Variants in FAM135B observed in about 807,000 individuals in gnomAD.
FAM135B encodes protein FAM135B.
Under a neutral mutation model 127.7 loss-of-function variants are expected in FAM135B, and 43 were observed. That is an observed-to-expected ratio of 0.34 (90% confidence interval 0.26 to 0.43). The LOEUF is 0.43. Ranked by LOEUF, FAM135B falls within the 20% of genes least tolerant of loss-of-function variation. FAM135B has a pLI of 1.00. For synonymous variants in FAM135B, 670 were observed against 665.1 expected (o/e 1.01, Z -0.11); for missense variants, 1,558 against 1,725.6 (o/e 0.90, Z 1.72).
intron 2 of FAM135B, among the ~76,000 whole-genome samples, chr8:138,344,574 T>TTTA (rs1829277673): frequency 4.2e-5 from 1 of 23,758 alleles, no homozygotes; most frequent in Non-Finnish European, 1.8e-4. Flanking sequence ...ACTTTCTTTC[T>TTTA]TTCTTTTTTT....
intron 1 of FAM135B, among the ~76,000 whole-genome samples, chr8:138,388,666 T>A (rs1832361247): frequency 6.6e-6 from 1 of 152,186 alleles, no homozygotes; most frequent in Non-Finnish European, 1.5e-5. Context: ...ACCATATGAT[T>A]CCAAATATAT....
At chr8:138,160,776 G>A (rs16908382) in intron 12 of FAM135B, among the ~76,000 whole-genome samples, 20,395 of 151,974 alleles carry the variant, frequency 0.13, 1,698 homozygotes, top group East Asian at 0.24. Flanking sequence ...GGTAGTTAGC[G>A]TCAGAACTGC....
At chr8:138,474,841 A>G (rs541530404) in intron 1 of FAM135B, among the ~76,000 whole-genome samples, 1 of 152,296 alleles carries the variant, frequency 6.6e-6, no homozygotes, top group Non-Finnish European at 1.5e-5. Flanking sequence ...CTCTATTCCC[A>G]GTGTGCTGAA....
chr8:138,294,442 T>C (rs898429831), intron 3 of FAM135B, among the ~76,000 whole-genome samples: 1 of 152,174 alleles, frequency 6.6e-6, no homozygotes, highest in Non-Finnish European at 1.5e-5. Context: ...CTTAAAAATA[T>C]GCAATTTTTA....
rs866517202 is a variant in FAM135B at position 138,241,417 on chromosome 8, C to A, written c.669+1525G>T. On this transcript the variant is annotated intron_variant, in intron 7 of 19. Coordinates refer to ENST00000395297, the MANE Select transcript of FAM135B (RefSeq NM_015912.4). This position sits in a 1 kb window ranked among gnomAD's most constrained non-coding sequence, Gnocchi z 4.8. ...ACAGAACCCCATTCTGGCTTCAGGT[C>A]CCCTCAGCAGGTTCTTGACAACTCT... Among the ~76,000 whole-genome samples, 1 of 152,144 alleles carries A rather than the reference C, an allele frequency of 6.6e-6. No homozygotes were observed. The highest frequency in any genetic ancestry group is 1.9e-4 in the East Asian group (1 of 5,190).
At chr8:138,461,000 A>G (rs577274162) in intron 1 of FAM135B, among the ~76,000 whole-genome samples, 2 of 152,128 alleles carry the variant, frequency 1.3e-5, no homozygotes, top group South Asian at 2.1e-4. Context: ...GGGTTTTCCT[A>G]TTTTCTCTTC....
chr8:138,180,338 C>T (rs1025363814), intron 9 of FAM135B, among the ~76,000 whole-genome samples: 1 of 152,192 alleles, frequency 6.6e-6, no homozygotes, highest in African/African-American at 2.4e-5. Flanking sequence ...GATATTTCCA[C>T]TCATTAATGT....
At chr8:138,236,310 C>T (rs1426176121) in intron 7 of FAM135B, among the ~76,000 whole-genome samples, 2 of 152,082 alleles carry the variant, frequency 1.3e-5, no homozygotes, top group African/African-American at 4.8e-5. Context: ...GGCACTCCCA[C>T]GTTCATTGGC....
chr8:138,246,254 C>T (rs756613162), intron 6 of FAM135B, among the ~76,000 whole-genome samples: 2 of 152,134 alleles, frequency 1.3e-5, no homozygotes, highest in Non-Finnish European at 2.9e-5. Context: ...ATGTTAATCA[C>T]CAAGGAAATG....
intron 3 of FAM135B, 55 bp downstream of exon 3, chr8:138,310,786 A>C: frequency 6.6e-7 from 1 of 1,523,460 alleles, no homozygotes; most frequent in Admixed American, 1.7e-5. Flanking sequence ...GCGAGCAGTG[A>C]CAAAGGGAGG....
At chr8:138,221,959 C>T (rs142874589) in intron 7 of FAM135B, among the ~76,000 whole-genome samples, 54 of 152,142 alleles carry the variant, frequency 3.5e-4, no homozygotes, top group African/African-American at 1.1e-3. Context: ...AGCAGGGAAA[C>T]GAAATACATG....
In FAM135B at chr8:138,243,196, T is replaced by G; in HGVS notation, c.543-128A>C. On this transcript the variant is annotated intron_variant, in intron 6 of 19. Transcript: ENST00000395297. The surrounding 1 kb of genome is among the most constrained non-coding windows in gnomAD (Gnocchi z 7.5). ...AGTCATTTAGGAGTAGTTCACCCCCTAGGGAGTGTTTGCATGTGACATTTG... is the reference window on the plus strand; with the variant it reads ...AGTCATTTAGGAGTAGTTCACCCCCGAGGGAGTGTTTGCATGTGACATTTG... 9.2e-7 allele frequency: 1 copy of G among 1,088,966 alleles called. No individual in the cohort carries two copies. 67.5% of individuals were successfully genotyped at this position (1,088,966 alleles called of 1,614,324 possible).
Position 138,151,826 on chromosome 8 carries a change from T to C in FAM135B, c.2649A>G (p.Pro883=). The C allele has an allele frequency of 1.2e-6, 2 of 1,614,126 alleles. No individual in the cohort carries two copies. Among genetic ancestry groups the C allele is most frequent in the East Asian group, 4.5e-5 (2 of 44,862 alleles). Residue 883 remains proline (P), a synonymous_variant, in exon 13 of 20, where the codon CCA becomes CCG. Transcript: ENST00000395297. ...TGGGGTTTTCAAGTGCTATGACGCG[T>C]GGTATTTTTAAATTAAGACCTTTGG... ...VETKGLNLKI[P]RVIALENPRT... is the part of the protein sequence containing the mutation.
At chr8:138,384,637 A>G (rs1832072866) in intron 1 of FAM135B, among the ~76,000 whole-genome samples, 1 of 151,816 alleles carries the variant, frequency 6.6e-6, no homozygotes, top group Non-Finnish European at 1.5e-5. Flanking sequence ...TACGTGTGTG[A>G]GTATGTGTGT....
rs1254045718 is a variant in FAM135B at position 138,151,846 on chromosome 8, C to G, written c.2629G>C (p.Gly877Arg). The change falls in exon 13 of 20, where the codon GGT becomes CGT. Residue 877 changes from glycine (G) to arginine (R), a missense_variant. Gly to Arg is a moderately radical substitution (Grantham distance 125). Around this residue, in one of 5 missense-constraint regions of FAM135B, gnomAD observed 923 missense variants for 865.3 expected, o/e 1.07. Transcript: ENST00000395297. Reference protein sequence around the residue: ...TENTPGVETKGLNLKIPRVIA... With the variant: ...TENTPGVETKRLNLKIPRVIA... ...ACGCGTGGTATTTTTAAATTAAGAC[C>G]TTTGGTTTCAACACCTGGAGTGTTC... 6.2e-7 allele frequency: 1 copy of G among 1,614,140 alleles called. No individual in the cohort carries two copies. The highest frequency in any genetic ancestry group is 1.1e-5 in the South Asian group (1 of 91,076).
chr8:138,354,121 G>T (rs893513203), intron 2 of FAM135B, among the ~76,000 whole-genome samples: 1 of 151,692 alleles, frequency 6.6e-6, no homozygotes, highest in Non-Finnish European at 1.5e-5. Context: ...TTCTCCCCAC[G>T]CCAGCTGTCA....
At chr8:138,363,697 T>C (rs919008956) in intron 2 of FAM135B, among the ~76,000 whole-genome samples, 1 of 152,348 alleles carries the variant, frequency 6.6e-6, no homozygotes, top group South Asian at 2.1e-4. Context: ...ATAAATGTGG[T>C]AGAAGCAAGG....
At chr8:138,303,720 T>C (rs1468587763) in intron 3 of FAM135B, among the ~76,000 whole-genome samples, 10 of 152,240 alleles carry the variant, frequency 6.6e-5, no homozygotes, top group African/African-American at 2.4e-4. Flanking sequence ...TGCAAGGCTG[T>C]GGTGTCCTGG....
In FAM135B at chr8:138,424,475, C is replaced by T. The variant is rs572950859; in HGVS notation, c.-19-56473G>A. Among the ~76,000 whole-genome samples the T allele has an allele frequency of 4.0e-4, 61 of 152,278 alleles. 1 individual carries two copies. Among genetic ancestry groups the T allele is most frequent in the African/African-American group, 1.3e-3 (56 of 41,564 alleles). ...CCTTCTTAGATTCTAGCACAAAGAT[C>T]TGCACAAATGGGTATCTACTTTAAA... On this transcript the variant is annotated intron_variant, in intron 1 of 19. Transcript: ENST00000395297.
Sources: allele counts gnomAD v4.1 joint callset (sites outside exome capture counted in the v4.1 genomes callset), GRCh38; gene constraint gnomAD v4.1.1; regional missense constraint gnomAD v4.1.1; non-coding constraint Gnocchi (gnomAD v3.1); transcripts MANE v1.5; gene names NCBI Gene and HGNC (gene_info 2026-07-23, HGNC 2026-07-21).